The following THSD4 variants were observed in gnomAD, a reference collection of about 807,000 sequenced individuals.
THSD4 encodes thrombospondin type 1 domain containing 4.
Under a neutral mutation model 119.0 loss-of-function variants are expected in THSD4, and 69 were observed. That is an observed-to-expected ratio of 0.58 (90% CI 0.48 to 0.71). The LOEUF (loss-of-function observed/expected upper bound fraction) is 0.71. Ranked by LOEUF, THSD4 falls within the 30% of genes least tolerant of loss-of-function variation. The pLI, the probability that THSD4 is intolerant of heterozygous loss-of-function variation, is 0.00. For missense variants in THSD4, 1,393 were observed against 1,391.1 expected (o/e 1.00, Z -0.02); for synonymous variants, 524 against 540.4 (o/e 0.97, Z 0.42).
intron 3 of THSD4, among the ~76,000 whole-genome samples, chr15:71,159,716 A>G (rs1437840620): frequency 2.6e-5 from 4 of 152,054 alleles, no homozygotes; most frequent in Admixed American, 2.0e-4. Flanking sequence ...TGTATATAAG[A>G]TTGTGTCATT....
chr15:71,350,262 A>G (rs1313432258), intron 6 of THSD4, among the ~76,000 whole-genome samples: 3 of 152,284 alleles, frequency 2.0e-5, no homozygotes, highest in South Asian at 2.1e-4. Flanking sequence ...CTCACTAAAA[A>G]TATCTCAAAG....
At chr15:71,299,258 C>T (rs1349690499) in intron 6 of THSD4, among the ~76,000 whole-genome samples, 1 of 152,112 alleles carries the variant, frequency 6.6e-6, no homozygotes, top group Non-Finnish European at 1.5e-5. Context: ...GTGGATGCTT[C>T]GATATTCAAC....
At chr15:71,124,435 TC>T (rs1456083239) in intron 1 of THSD4, among the ~76,000 whole-genome samples, 1 of 152,212 alleles carries the variant, frequency 6.6e-6, no homozygotes, top group Non-Finnish European at 1.5e-5. Context: ...GGACCCCTGG[TC>T]TAGACGCTTA....
chr15:71,665,389 G>A (rs753158672), intron 8 of THSD4, among the ~76,000 whole-genome samples: 7 of 152,036 alleles, frequency 4.6e-5, no homozygotes, highest in Non-Finnish European at 7.4e-5. Flanking sequence ...TATAGATGCT[G>A]GATATGAGAC....
At position 71,416,695 on chromosome 15, in the gene THSD4, C is replaced by CATTTCATTTTATTTT. The variant is rs1555411744; in HGVS notation, c.1152+4876_1152+4877insCATTTTATTTTATTT. 6.9e-3 allele frequency among the ~76,000 whole-genome samples: 669 copies of CATTTCATTTTATTTT among 96,566 alleles called. 197 individuals carry two copies. Among genetic ancestry groups the CATTTCATTTTATTTT allele is most frequent in the African/African-American group, 0.024 (649 of 26,902 alleles). The allele number at this position is 96,566 out of a possible 152,430, so 63.4% of individuals were successfully genotyped here. ...CCATTTTATTTATTTTATTTTGTTT[C>CATTTCATTTTATTTT]ATTTTATTTTATTTTATTTTGTTTT... is the stretch of plus-strand genomic sequence containing the variant. On this transcript the variant is annotated intron_variant, in intron 7 of 17. Coordinates refer to ENST00000261862, the MANE Select transcript of THSD4 (RefSeq NM_024817.3).
At chr15:71,412,367 A>C (rs532259086) in intron 7 of THSD4, among the ~76,000 whole-genome samples, 1 of 152,338 alleles carries the variant, frequency 6.6e-6, no homozygotes, top group Non-Finnish European at 1.5e-5. Flanking sequence ...GGCGTTCTGC[A>C]AACATTCTGG....
At chr15:71,510,797 A>G (rs1238226800) in intron 7 of THSD4, among the ~76,000 whole-genome samples, 2 of 152,178 alleles carry the variant, frequency 1.3e-5, no homozygotes, top group Non-Finnish European at 2.9e-5. Flanking sequence ...TGTGAAGGAT[A>G]ATTAAAAGTC....
At chr15:71,614,187 G>A (rs2050282423) in intron 7 of THSD4, among the ~76,000 whole-genome samples, 1 of 152,188 alleles carries the variant, frequency 6.6e-6, no homozygotes, top group Admixed American at 6.5e-5. Context: ...AGTAAGTACA[G>A]AGAAGAGTAC....
chr15:71,666,742 G>T (rs751090211), intron 8 of THSD4, among the ~76,000 whole-genome samples: 1 of 152,156 alleles, frequency 6.6e-6, no homozygotes, highest in African/African-American at 2.4e-5. Flanking sequence ...AAACTAAATA[G>T]AAAACGGAGG....
At chr15:71,495,558 C>T (rs895292914) in intron 7 of THSD4, among the ~76,000 whole-genome samples, 13 of 152,208 alleles carry the variant, frequency 8.5e-5, no homozygotes, top group African/African-American at 3.1e-4. Flanking sequence ...CTTCCCTGTG[C>T]TCGGGACATC....
intron 6 of THSD4, among the ~76,000 whole-genome samples, chr15:71,345,492 A>G (rs925388899): frequency 1.3e-5 from 2 of 152,180 alleles, no homozygotes; most frequent in Non-Finnish European, 2.9e-5. Context: ...TGGATTTGGT[A>G]ATAAATCACA....
At chr15:71,691,501 G>A (rs2052048749) in intron 8 of THSD4, among the ~76,000 whole-genome samples, 1 of 152,216 alleles carries the variant, frequency 6.6e-6, no homozygotes, top group African/African-American at 2.4e-5. Flanking sequence ...TTGGATCGAG[G>A]CAGAGCTGAG....
At position 71,593,280 on chromosome 15, in the gene THSD4, C is replaced by T. The variant is rs1335123320; in HGVS notation, c.1153-67250C>T. ...TCTACTAAAAATACAAAAAATTAGC[C>T]GGGCGTAGTGGCGGGCGCCTGTAGT... On this transcript the variant is annotated intron_variant, in intron 7 of 17. Coordinates refer to ENST00000261862, the MANE Select transcript of THSD4 (RefSeq NM_024817.3). Among the ~76,000 whole-genome samples, 2 of 33,144 alleles carry T rather than the reference C, an allele frequency of 6.0e-5. 1 individual carries two copies. 21.7% of individuals were successfully genotyped at this position (33,144 alleles called of 152,430 possible).
At chr15:71,742,024 A>G (rs1425851266) in intron 11 of THSD4, among the ~76,000 whole-genome samples, 1 of 152,182 alleles carries the variant, frequency 6.6e-6, no homozygotes, top group African/African-American at 2.4e-5. Context: ...GAGCACATCT[A>G]ATGGTCGTCA....
At position 71,378,295 on chromosome 15, in the gene THSD4, T is replaced by C. The variant is rs527371776; in HGVS notation, c.1016-33392T>C. Among the ~76,000 whole-genome samples, 10 of 152,314 alleles carry C rather than the reference T, an allele frequency of 6.6e-5. No individual in the cohort carries two copies. In the East Asian group the frequency reaches 1.9e-3, roughly 29 times the overall value. ...ATAAAGATGCTGAGAAAGGGATGCC[T>C]TCACTATTCTTGTAAAGGCATGATG... On this transcript the variant is annotated intron_variant, in intron 6 of 17. Transcript: ENST00000261862.
At chr15:71,334,773 G>C (rs2140378935) in intron 6 of THSD4, among the ~76,000 whole-genome samples, 1 of 152,318 alleles carries the variant, frequency 6.6e-6, no homozygotes, top group South Asian at 2.1e-4. Flanking sequence ...TTGCAGGATA[G>C]ACCTGTGGCC....
chr15:71,448,185 C>T (rs1009249100), intron 7 of THSD4, among the ~76,000 whole-genome samples: 2 of 152,176 alleles, frequency 1.3e-5, no homozygotes, highest in Non-Finnish European at 2.9e-5. Flanking sequence ...ATGTGGAAGT[C>T]TTGTATTATA....
At chr15:71,646,355 G>T (rs915220156) in intron 7 of THSD4, among the ~76,000 whole-genome samples, 2 of 152,130 alleles carry the variant, frequency 1.3e-5, no homozygotes, top group African/African-American at 4.8e-5. Context: ...GATTCTTTTT[G>T]ACTTTGGCTC....
chr15:71,295,016 T>A (rs569124025), intron 6 of THSD4, among the ~76,000 whole-genome samples: 9 of 151,458 alleles, frequency 5.9e-5, no homozygotes, highest in African/African-American at 2.2e-4. Context: ...GGGTCCAAGA[T>A]TGGGGTGGGT....
Sources: allele counts gnomAD v4.1 joint callset (sites outside exome capture counted in the v4.1 genomes callset), GRCh38; gene constraint gnomAD v4.1.1; transcripts MANE v1.5; gene names NCBI Gene and HGNC (gene_info 2026-07-23, HGNC 2026-07-21).